The following SLC22A24 variants were observed in gnomAD, a reference collection of about 807,000 sequenced individuals.
SLC22A24 encodes the protein solute carrier family 22 member 24, also known as steroid transmembrane transporter SLC22A24.
In SLC22A24, 53 loss-of-function variants were observed where a neutral mutation model predicts 49.8. The ratio of observed to expected loss-of-function variants is 1.06; its 90% CI spans 0.85 to 1.34. The LOEUF (loss-of-function observed/expected upper bound fraction) is 1.34. Among genes scored for constraint, SLC22A24 ranks in the 40% most tolerant of loss-of-function variants. SLC22A24 has a pLI of 0.00. For synonymous variants in SLC22A24, 302 were observed against 256.4 expected (o/e 1.18, Z -1.70); for missense variants, 786 against 675.9 (o/e 1.16, Z -1.81).
At chr11:63,135,460 C>G (rs2087366933) in intron 1 of SLC22A24, among the ~76,000 whole-genome samples, 2 of 152,246 alleles carry the variant, frequency 1.3e-5, no homozygotes, top group South Asian at 4.1e-4. Context: ...GGTCTTTCTC[C>G]CTAGATTAAA....
At chr11:63,111,205 G>T (rs2087161379) in intron 4 of SLC22A24, among the ~76,000 whole-genome samples, 2 of 151,808 alleles carry the variant, frequency 1.3e-5, no homozygotes, top group African/African-American at 2.4e-5. Context: ...AAGCCCACTT[G>T]ATCATGGTGG....
At chr11:63,142,635 C>T (rs2087422520) in intron 1 of SLC22A24, among the ~76,000 whole-genome samples, 2 of 152,150 alleles carry the variant, frequency 1.3e-5, no homozygotes, top group South Asian at 4.2e-4. Flanking sequence ...CCCTAAACTG[C>T]TCCTAAGATC....
At chr11:63,117,311 A>T (rs2087218849) in intron 4 of SLC22A24, among the ~76,000 whole-genome samples, 1 of 152,178 alleles carries the variant, frequency 6.6e-6, no homozygotes, top group Admixed American at 6.5e-5. Flanking sequence ...AGTATTCGTC[A>T]TGTGTGGCCA....
At chr11:63,087,024 G>GCGCGCGCACACACA (rs376936925) in intron 6 of SLC22A24, among the ~76,000 whole-genome samples, 19 of 132,556 alleles carry the variant, frequency 1.4e-4, no homozygotes, top group African/African-American at 2.9e-4. Flanking sequence ...CCTGGAGGGC[G>GCGCGCGCACACACA]CACACACACA....
intron 5 of SLC22A24, among the ~76,000 whole-genome samples, chr11:63,098,440 G>A (rs2087068889): frequency 6.6e-6 from 1 of 152,228 alleles, no homozygotes; most frequent in African/African-American, 2.4e-5. Context: ...GGCCAAAGTG[G>A]GTGGCTCACT....
chr11:63,095,661 T>G (rs1329938061), intron 6 of SLC22A24, among the ~76,000 whole-genome samples: 1 of 152,180 alleles, frequency 6.6e-6, no homozygotes, highest in African/African-American at 2.4e-5. Context: ...AGACAGCCAG[T>G]TGATGTAACT....
intron 4 of SLC22A24, among the ~76,000 whole-genome samples, chr11:63,106,301 A>G (rs1394676571): frequency 6.6e-6 from 1 of 152,046 alleles, no homozygotes; most frequent in Non-Finnish European, 1.5e-5. Flanking sequence ...CATGGTGTAT[A>G]TGTGCCACAT....
At chr11:63,137,323 C>T (rs944807695) in intron 1 of SLC22A24, among the ~76,000 whole-genome samples, 2 of 152,130 alleles carry the variant, frequency 1.3e-5, no homozygotes, top group Non-Finnish European at 2.9e-5. Context: ...CTGTCCATCT[C>T]ATCTTTGTGT....
chr11:63,139,704 T>C (rs1590753170), intron 1 of SLC22A24, among the ~76,000 whole-genome samples: 1 of 152,314 alleles, frequency 6.6e-6, no homozygotes, highest in East Asian at 1.9e-4. Flanking sequence ...TTCCCTCCTT[T>C]TAGGGATCCG....
intron 6 of SLC22A24, among the ~76,000 whole-genome samples, chr11:63,087,967 T>TTCTCTTCCAGGTGAA (rs1165716938): frequency 1.7e-4 from 26 of 151,592 alleles, no homozygotes; most frequent in Non-Finnish European, 5.9e-5. Flanking sequence ...GGGGAAGGAG[T>TTCTCTTCCAGGTGAA]GGCTGTGGGC....
intron 5 of SLC22A24, among the ~76,000 whole-genome samples, chr11:63,101,849 T>C (rs2087093198): frequency 6.6e-6 from 1 of 152,084 alleles, no homozygotes; most frequent in Non-Finnish European, 1.5e-5. Context: ...AAGATGAACT[T>C]TTCATGTTCT....
At chr11:63,125,965 AGT>A (rs1429353532) in intron 2 of SLC22A24, among the ~76,000 whole-genome samples, 1 of 152,130 alleles carries the variant, frequency 6.6e-6, no homozygotes, top group African/African-American at 2.4e-5. Flanking sequence ...TCTTTTGAGA[AGT>A]GTCTGTTCAT....
intron 1 of SLC22A24, among the ~76,000 whole-genome samples, chr11:63,137,672 A>G (rs913451936): frequency 6.6e-6 from 1 of 152,230 alleles, no homozygotes; most frequent in African/African-American, 2.4e-5. Flanking sequence ...ATGTTAATTC[A>G]GTTACCCATG....
At chr11:63,135,128 C>T (rs1278571317) in intron 1 of SLC22A24, among the ~76,000 whole-genome samples, 2 of 152,106 alleles carry the variant, frequency 1.3e-5, no homozygotes, top group African/African-American at 4.8e-5. Context: ...CAATTAAAGA[C>T]TTCAGGTACA....
intron 2 of SLC22A24, among the ~76,000 whole-genome samples, chr11:63,131,005 A>G (rs1167930099): frequency 6.6e-6 from 1 of 152,022 alleles, no homozygotes; most frequent in South Asian, 2.1e-4. Flanking sequence ...TTCTTGTTGA[A>G]TTGATCCCTT....
rs542256344 is a variant in SLC22A24 at position 63,083,289 on chromosome 11, C to A, written c.1239G>T (p.Thr413=). The change falls in exon 7 of 10, where the codon ACG becomes ACT. Residue 413 remains threonine (T), a synonymous_variant. Coordinates refer to ENST00000612278, the MANE Select transcript of SLC22A24 (RefSeq NM_001136506.2). ...CCAGAATGAAAAGTCCCACCGGGAA[C>A]GTGAACAATATCTGGCTTATTCGAC... ...MGRRISQILF[T]FPVGLFILVN... 1.3e-6 allele frequency: 2 copies of A among 1,561,460 alleles called. No individual in the cohort carries two copies. The highest frequency in any genetic ancestry group is 1.7e-6 in the Non-Finnish European group (2 of 1,151,732).
At chr11:63,105,595 T>C (rs1353676053) in intron 4 of SLC22A24, among the ~76,000 whole-genome samples, 4 of 152,158 alleles carry the variant, frequency 2.6e-5, no homozygotes, top group Non-Finnish European at 5.9e-5. Flanking sequence ...TGGCCCGTTT[T>C]GGCCATGGCT....
intron 6 of SLC22A24, among the ~76,000 whole-genome samples, chr11:63,090,663 C>CAATAAATA (rs58585722): frequency 0.093 from 12,883 of 137,908 alleles, 679 homozygotes; most frequent in African/African-American, 0.13. Flanking sequence ...ACTTAAAGTA[C>CAATAAATA]AATAAATAAA....
At chr11:63,118,435 C>G (rs757798221) in intron 4 of SLC22A24, 2 of 170,492 alleles carry the variant, frequency 1.2e-5, no homozygotes, top group Non-Finnish European at 1.2e-5. Flanking sequence ...TATGGAGGAA[C>G]CAATTTTTGG....
Sources: allele counts gnomAD v4.1 joint callset (sites outside exome capture counted in the v4.1 genomes callset), GRCh38; gene constraint gnomAD v4.1.1; transcripts MANE v1.5; gene names NCBI Gene and HGNC (gene_info 2026-07-23, HGNC 2026-07-21).